SPX: variants seen among roughly 807,000 people sequenced by gnomAD.
SPX encodes the protein spexin.
In SPX, 22 loss-of-function variants were observed where a neutral mutation model predicts 19.2. The observed-to-expected ratio is 1.15, with a 90% confidence interval of 0.82 to 1.64. The LOEUF (loss-of-function observed/expected upper bound fraction) is 1.64, where lower values mean the gene tolerates loss of function less well. SPX is among the 40% of genes most tolerant of loss of function. SPX has a pLI of 0.00. For synonymous variants in SPX, 50 were observed against 53.3 expected (o/e 0.94, Z 0.27); for missense variants, 143 against 137.7 (o/e 1.04, Z -0.19).
chr12:21,532,302 T>G lies in SPX; in HGVS notation c.*1107T>G, dbSNP rs1005572013. The G allele has an allele frequency of 6.6e-6, 1 of 152,250 alleles. No individual in the cohort carries two copies. The highest frequency in any genetic ancestry group is 1.5e-5 in the Non-Finnish European group (1 of 68,042). 9.4% of individuals were successfully genotyped at this position (152,250 alleles called of 1,614,324 possible). ...AAGTGGAAAGTATTAATTCTTATTGTCATCAGTATTTAGCCATTATTTAGT... is the reference window on the plus strand; with the variant it reads ...AAGTGGAAAGTATTAATTCTTATTGGCATCAGTATTTAGCCATTATTTAGT... On this transcript the variant is annotated 3_prime_UTR_variant, in exon 6 of 6. Coordinates refer to ENST00000256969, the MANE Select transcript of SPX (RefSeq NM_030572.4).
intron 3 of SPX, chr12:21,527,413 G>A (rs780501195): frequency 1.6e-6 from 1 of 607,508 alleles, no homozygotes; most frequent in Non-Finnish European, 2.9e-6. Context: ...ATCCAAAACT[G>A]GAGGGTTGCT....
Position 21,529,093 on chromosome 12 carries a change from A to G in SPX, c.292+9A>G, listed in dbSNP as rs749121116. 17 of 1,610,722 alleles carry G rather than the reference A, an allele frequency of 1.1e-5. No homozygotes were observed. The highest frequency in any genetic ancestry group is 4.0e-5 in the African/African-American group (3 of 74,876). On this transcript the variant is annotated intron_variant, in intron 5 of 5. Transcript: ENST00000256969. ...TCAGAAATCACCAGAAGGTACTAGC[A>G]TAGTGGCCTCTTTCACCTGCATAAC...
chr12:21,526,425 T>G lies in SPX; in HGVS notation c.-48T>G. 6.4e-7 allele frequency: 1 copy of G among 1,555,426 alleles called. No individual in the cohort carries two copies. Among genetic ancestry groups the G allele is most frequent in the Non-Finnish European group, 8.8e-7 (1 of 1,141,966 alleles). ...CAATTTCAGAGCAAGAGTCGAAAAC[T>G]CACAGATAAAGTTATAGTTATTTCA... is the stretch of plus-strand genomic sequence containing the variant. On this transcript the variant is annotated 5_prime_UTR_variant, in exon 1 of 6. Transcript: ENST00000256969.
rs201706867 is a variant in SPX at position 21,527,133 on chromosome 12, A to G, written c.88-2A>G. 4 of 1,612,818 alleles carry G rather than the reference A, an allele frequency of 2.5e-6. No homozygotes were observed. The highest frequency in any genetic ancestry group is 2.5e-6 in the Non-Finnish European group (3 of 1,178,912). Reference sequence around the variant, plus strand: ...CTGCTCTTCCCTTCCCCCGGGCTATAGAGACTGTTGGAGAGAAGGAACTGG... The same window carrying G: ...CTGCTCTTCCCTTCCCCCGGGCTATGGAGACTGTTGGAGAGAAGGAACTGG... On this transcript the variant is annotated splice_acceptor_variant, in intron 2 of 5. Coordinates refer to ENST00000256969, the MANE Select transcript of SPX (RefSeq NM_030572.4). LOFTEE classifies it high-confidence loss of function.
Position 21,526,872 on chromosome 12 carries a change from A to T in SPX, c.7-14A>T. On this transcript the variant is annotated splice_polypyrimidine_tract_variant and intron_variant, in intron 1 of 5. Coordinates refer to ENST00000256969, the MANE Select transcript of SPX (RefSeq NM_030572.4). ...GCACAGAAATGACCCTTTCTGGTTG[A>T]TCGCTTCATATAGGGACTCAGAAGT... 6.2e-7 allele frequency: 1 copy of T among 1,612,866 alleles called. No individual in the cohort carries two copies.
chr12:21,529,948 T>C (rs1258964328), intron 5 of SPX, among the ~76,000 whole-genome samples: 1 of 152,076 alleles, frequency 6.6e-6, no homozygotes, highest in Non-Finnish European at 1.5e-5. Flanking sequence ...GTTGGGAAAA[T>C]GTGCAGAGCC....
intron 3 of SPX, 84 bp from the exon 4 acceptor site, chr12:21,527,643 T>G: frequency 2.2e-6 from 3 of 1,375,866 alleles, no homozygotes; most frequent in Non-Finnish European, 3.0e-6. Flanking sequence ...GCCCGGGGAC[T>G]GCGCTGTGCC....
At chr12:21,530,791 T>G (rs915840842) in intron 5 of SPX, among the ~76,000 whole-genome samples, 2 of 152,204 alleles carry the variant, frequency 1.3e-5, no homozygotes, top group African/African-American at 4.8e-5. Context: ...AGTCCTTTGA[T>G]GCAAGTGAAT....
chr12:21,532,018 C>G lies in SPX; in HGVS notation c.*823C>G, dbSNP rs984501549. The G allele has an allele frequency of 6.6e-6, 1 of 152,182 alleles. No individual in the cohort carries two copies. The highest frequency in any genetic ancestry group is 1.5e-5 in the Non-Finnish European group (1 of 68,026). The allele number at this position is 152,182 out of a possible 1,614,324, so 9.4% of individuals were successfully genotyped here. A position where few individuals can be genotyped will look rare whatever the true frequency, so the allele number is the denominator to read the frequency against. On this transcript the variant is annotated 3_prime_UTR_variant, in exon 6 of 6. Transcript: ENST00000256969. Reference sequence around the variant, plus strand: ...ACTCTGCTTACTCTAATTGACTAGACTCTAGGTTTTATTTGACATCATAGC... The same window carrying G: ...ACTCTGCTTACTCTAATTGACTAGAGTCTAGGTTTTATTTGACATCATAGC...
Position 21,530,299 on chromosome 12 carries a change from C to T in SPX, c.293-838C>T, listed in dbSNP as rs948638790. ...GGTTTCAGTGGAATTTATACAGGGA[C>T]GCCGTTCTGGTTTTGTTTTGTTTTG... On this transcript the variant is annotated intron_variant, in intron 5 of 5. Coordinates refer to ENST00000256969, the MANE Select transcript of SPX (RefSeq NM_030572.4). Among the ~76,000 whole-genome samples, 8 of 152,198 alleles carry T rather than the reference C, an allele frequency of 5.3e-5. 1 individual carries two copies. Among genetic ancestry groups the T allele is most frequent in the Non-Finnish European group, 5.9e-5 (4 of 68,016 alleles).
chr12:21,530,384 C>A (rs1349149536), intron 5 of SPX, among the ~76,000 whole-genome samples: 1 of 152,104 alleles, frequency 6.6e-6, no homozygotes, highest in African/African-American at 2.4e-5. Context: ...TTAAAGTGTG[C>A]TAGAAATTCA....
chr12:21,531,123 T>C lies in SPX; in HGVS notation c.293-14T>C, dbSNP rs749918594. 3 of 1,507,098 alleles carry C rather than the reference T, an allele frequency of 2.0e-6. No homozygotes were observed. Among genetic ancestry groups the C allele is most frequent in the Non-Finnish European group, 2.7e-6 (3 of 1,103,576 alleles). The allele number at this position is 1,507,098 out of a possible 1,614,324, so 93.4% of individuals were successfully genotyped here. A position where few individuals can be genotyped will look rare whatever the true frequency, so the allele number is the denominator to read the frequency against. On this transcript the variant is annotated splice_polypyrimidine_tract_variant and intron_variant, in intron 5 of 5. Transcript: ENST00000256969. Reference sequence around the variant, plus strand: ...GAGTGTATATTTATTTTAAAGAATTTTTTTTTCTTACAGATGAAGAAAAAA... The same window carrying C: ...GAGTGTATATTTATTTTAAAGAATTCTTTTTTCTTACAGATGAAGAAAAAA...
In SPX at chr12:21,531,524, G is replaced by GTTTT; in HGVS notation, c.*330_*331insTTTT. ...GCCAGTACCTGTCTTGATCTTAGTT[G>GTTTT]TGTTTTTTTTTCATTTTGTTACCCA... On this transcript the variant is annotated 3_prime_UTR_variant, in exon 6 of 6. Coordinates refer to ENST00000256969, the MANE Select transcript of SPX (RefSeq NM_030572.4). 7.5e-5 allele frequency: 2 copies of GTTTT among 26,780 alleles called. No homozygotes were observed. Among genetic ancestry groups the GTTTT allele is most frequent in the South Asian group, 3.8e-3 (1 of 260 alleles). 1.7% of individuals were successfully genotyped at this position (26,780 alleles called of 1,614,324 possible). A position where few individuals can be genotyped will look rare whatever the true frequency, so the allele number is the denominator to read the frequency against.
chr12:21,531,230 T>C lies in SPX; in HGVS notation c.*35T>C, dbSNP rs772189398. The C allele has an allele frequency of 6.8e-7, 1 of 1,468,314 alleles. No individual in the cohort carries two copies. Among genetic ancestry groups the C allele is most frequent in the Admixed American group, 2.0e-5 (1 of 49,206 alleles). 91.0% of individuals were successfully genotyped at this position (1,468,314 alleles called of 1,614,324 possible). On this transcript the variant is annotated 3_prime_UTR_variant, in exon 6 of 6. Coordinates refer to ENST00000256969, the MANE Select transcript of SPX (RefSeq NM_030572.4). ...GGATTATGTTTAATTATGGTTCTAT[T>C]CTCTTTGAAAACATGAACCATGTGA...
In SPX at chr12:21,526,919, CTTTTCCTGGTGTTTG is replaced by C; in HGVS notation, c.50_64del (p.Val17_Leu21del). The C allele has an allele frequency of 6.2e-7, 1 of 1,614,238 alleles. No homozygotes were observed. The highest frequency in any genetic ancestry group is 8.5e-7 in the Non-Finnish European group (1 of 1,180,036). Reference sequence around the variant, plus strand: ...AAGTCTGGCAGCAACAACCTTGGCTCTTTTCCTGGTGTTTGTTTTCCTGGGAAACTCCAGCTGCGC... The same window carrying C: ...AAGTCTGGCAGCAACAACCTTGGCTCTTTTCCTGGGAAACTCCAGCTGCGC... On this transcript the variant is annotated inframe_deletion, in exon 2 of 6. Coordinates refer to ENST00000256969, the MANE Select transcript of SPX (RefSeq NM_030572.4).
intron 1 of SPX, 23 bp from the exon 2 acceptor site, chr12:21,526,863 T>C: frequency 1.9e-6 from 3 of 1,609,436 alleles, no homozygotes; most frequent in Non-Finnish European, 2.6e-6. Flanking sequence ...AAATGACCCT[T>C]TCTGGTTGAT....
chr12:21,527,633 GC>G, intron 3 of SPX, 93 bp from the exon 4 acceptor site: 2 of 1,298,514 alleles, frequency 1.5e-6, no homozygotes, highest in South Asian at 1.3e-5. Flanking sequence ...CCCTCCCCAC[GC>G]CCGGGGACTG....
At chr12:21,530,985 C>A in intron 5 of SPX, 152 bp from the exon 6 acceptor site, 1 of 580,182 alleles carries the variant, frequency 1.7e-6, no homozygotes, top group African/African-American at 1.9e-5. Context: ...CAAATCAAAG[C>A]CCATATTGTT....
rs1406845379 is a variant in SPX, at chr12:21,527,768, C to G, written c.187C>G (p.Leu63Val). Residue 63 changes from leucine (L) to valine (V), a missense_variant, in exon 4 of 6, where the codon CTC becomes GTC. Physicochemically the swap from Leu to Val is conservative, Grantham distance 32. Coordinates refer to ENST00000256969, the MANE Select transcript of SPX (RefSeq NM_030572.4). Reference protein sequence around the residue: ...FISDQSRRKDLSDRPLPERRS... With the variant: ...FISDQSRRKDVSDRPLPERRS... The stretch of plus-strand genomic sequence containing the variant: ...CTCCGACCAGAGCCGGAGAAAGGAC[C>G]TCTCCGACCGGCCACTGCCGGGTGA... The G allele has an allele frequency of 6.4e-7, 1 of 1,572,352 alleles. No homozygotes were observed. The highest frequency in any genetic ancestry group is 1.9e-5 in the Admixed American group (1 of 52,676).
Sources: allele counts gnomAD v4.1 joint callset (sites outside exome capture counted in the v4.1 genomes callset), GRCh38; gene constraint gnomAD v4.1.1; transcripts MANE v1.5; gene names NCBI Gene and HGNC (gene_info 2026-07-23, HGNC 2026-07-21).